AGO3: variants seen among roughly 807,000 people sequenced by gnomAD.
AGO3 encodes the protein protein argonaute-3.
Under a neutral mutation model 105.5 loss-of-function variants are expected in AGO3, and 16 were observed. That is an observed-to-expected ratio of 0.15 (90% CI 0.10 to 0.23). The LOEUF (loss-of-function observed/expected upper bound fraction) is 0.23. Among genes scored for constraint, AGO3 ranks in the 10% least tolerant of loss-of-function variants. AGO3 has a pLI of 1.00. For missense variants in AGO3, 534 were observed against 1,088.0 expected, an observed-to-expected ratio of 0.49 and a Z score of 7.16; for synonymous variants, 340 against 367.3, an observed-to-expected ratio of 0.93 and a Z score of 0.85.
At chr1:35,975,978 C>T (rs969399463) in intron 5 of AGO3, among the ~76,000 whole-genome samples, 3 of 148,094 alleles carry the variant, frequency 2.0e-5, no homozygotes, top group South Asian at 2.1e-4. Context: ...GACAGAGTTT[C>T]GCTCTGGAGT....
chr1:35,979,562 G>C (rs570408338), intron 5 of AGO3, among the ~76,000 whole-genome samples: 309 of 151,780 alleles, frequency 2.0e-3, no homozygotes, highest in Non-Finnish European at 3.2e-3. Flanking sequence ...CCTTAGTTTT[G>C]TTTTTTGTTC....
chr1:35,982,058 A>G (rs570249305), intron 5 of AGO3, among the ~76,000 whole-genome samples: 2 of 152,330 alleles, frequency 1.3e-5, no homozygotes, highest in Admixed American at 6.5e-5. Context: ...TTCTAGGAGA[A>G]AGATGGGAAA....
At chr1:35,951,589 A>G (rs1034844558) in intron 2 of AGO3, among the ~76,000 whole-genome samples, 2 of 151,792 alleles carry the variant, frequency 1.3e-5, no homozygotes, top group Admixed American at 1.3e-4. Flanking sequence ...GAGTTTAGCT[A>G]TGTTGCCCAG....
intron 14 of AGO3, 102 bp from the exon 15 acceptor site, chr1:36,039,688 G>T: frequency 8.2e-6 from 7 of 855,142 alleles, no homozygotes; most frequent in Non-Finnish European, 1.1e-5. Context: ...AAACAGTGAT[G>T]AACAGGTTAC....
At chr1:36,023,767 A>AT in intron 11 of AGO3, among the ~76,000 whole-genome samples, 1 of 152,306 alleles carries the variant, frequency 6.6e-6, no homozygotes, top group South Asian at 2.1e-4. Flanking sequence ...ATGTAACACT[A>AT]CCTACCAGGT....
chr1:35,997,502 C>T (rs1639883782), intron 5 of AGO3, among the ~76,000 whole-genome samples: 1 of 152,134 alleles, frequency 6.6e-6, no homozygotes. Flanking sequence ...CACAAGGGTA[C>T]AGTGTACTGT....
At chr1:35,970,535 C>G (rs955373753) in intron 3 of AGO3, among the ~76,000 whole-genome samples, 1 of 152,136 alleles carries the variant, frequency 6.6e-6, no homozygotes, top group Non-Finnish European at 1.5e-5. Context: ...GTATGCAATT[C>G]TTCTAAATCC....
rs188588949 is a variant in AGO3 at position 36,070,397 on chromosome 1, C to G, written c.*14652C>G. The G allele has an allele frequency of 3.9e-5, 6 of 152,282 alleles. No individual in the cohort carries two copies. The highest frequency in any genetic ancestry group is 7.4e-5 in the Non-Finnish European group (5 of 68,018). 9.4% of individuals were successfully genotyped at this position (152,282 alleles called of 1,614,324 possible). On this transcript the variant is annotated 3_prime_UTR_variant, in exon 19 of 19. Coordinates refer to ENST00000373191, the MANE Select transcript of AGO3 (RefSeq NM_024852.4). ...TGCAGGTCATATCAGGTGTCTGATG[C>G]AGTTACCTTTATAGATCGTGGCAGG...
At chr1:36,004,943 A>G (rs1014133407) in intron 6 of AGO3, among the ~76,000 whole-genome samples, 1 of 152,144 alleles carries the variant, frequency 6.6e-6, no homozygotes, top group African/African-American at 2.4e-5. Context: ...GTTGTTCTAG[A>G]ATTATAGTTA....
At chr1:36,009,338 C>CT in intron 8 of AGO3, 137 bp from the exon 9 acceptor site, 1 of 1,059,670 alleles carries the variant, frequency 9.4e-7, no homozygotes, top group South Asian at 1.9e-5. Flanking sequence ...TTGTTTACTA[C>CT]TTTTTTACTT....
intron 16 of AGO3, chr1:36,043,124 C>T (rs1167416991): frequency 1.4e-5 from 3 of 210,030 alleles, no homozygotes; most frequent in Non-Finnish European, 2.8e-5. Flanking sequence ...CTACTATGCA[C>T]AGGTACCATA....
intron 5 of AGO3, chr1:35,982,592 A>G (rs1557663848): frequency 8.4e-6 from 6 of 717,170 alleles, no homozygotes; most frequent in Non-Finnish European, 1.6e-5. Context: ...TTTAAGAAGG[A>G]TAGTGACATG....
At chr1:36,011,112 G>A (rs1190948109) in intron 9 of AGO3, among the ~76,000 whole-genome samples, 2 of 151,990 alleles carry the variant, frequency 1.3e-5, no homozygotes, top group African/African-American at 4.8e-5. Flanking sequence ...AAGATTAAAG[G>A]GCATCTGAAT....
Position 36,060,510 on chromosome 1 carries a change from AT to A in AGO3, c.*4770del. 6.6e-6 allele frequency: 1 copy of A among 152,328 alleles called. No homozygotes were observed. The highest frequency in any genetic ancestry group is 1.5e-5 in the Non-Finnish European group (1 of 68,022). The allele number at this position is 152,328 out of a possible 1,614,324, so 9.4% of individuals were successfully genotyped here. The stretch of plus-strand genomic sequence containing the variant: ...CTACATGAATTTGCCAAGGGCAGTG[AT>A]TTTTATGAAATTCAAGAAGCAAACG... On this transcript the variant is annotated 3_prime_UTR_variant, in exon 19 of 19. Transcript: ENST00000373191.
chr1:36,022,802 G>A (rs1388424911), intron 11 of AGO3, among the ~76,000 whole-genome samples: 2 of 151,856 alleles, frequency 1.3e-5, no homozygotes, highest in South Asian at 2.1e-4. Flanking sequence ...CCTGGTGGTG[G>A]ACACCTGTAA....
chr1:35,981,813 T>C (rs983487438), intron 5 of AGO3, among the ~76,000 whole-genome samples: 2 of 152,148 alleles, frequency 1.3e-5, no homozygotes, highest in Non-Finnish European at 2.9e-5. Flanking sequence ...ACATTGTAGT[T>C]CCCGCTTGGT....
At chr1:35,973,097 C>T (rs574299767) in intron 4 of AGO3, among the ~76,000 whole-genome samples, 86 of 151,532 alleles carry the variant, frequency 5.7e-4, no homozygotes, top group African/African-American at 2.0e-3. Context: ...TTTTTAAGGT[C>T]GGAACTGTTA....
chr1:36,036,290 T>C, intron 14 of AGO3, 23 bp downstream of exon 14: 1 of 1,605,432 alleles, frequency 6.2e-7, no homozygotes, highest in Non-Finnish European at 8.5e-7. Flanking sequence ...CAGGTTTATC[T>C]TACCTAAGGT....
At chr1:35,978,226 G>C (rs1231042132) in intron 5 of AGO3, among the ~76,000 whole-genome samples, 1 of 152,062 alleles carries the variant, frequency 6.6e-6, no homozygotes, top group Non-Finnish European at 1.5e-5. Context: ...TTTTGCTCTT[G>C]TCACCCAGGC....
Sources: gnomAD v4.1 joint callset for allele counts (sites outside exome capture counted in the v4.1 genomes callset) on GRCh38, gnomAD v4.1.1 for gene constraint, MANE v1.5 for transcripts, NCBI Gene and HGNC (gene_info 2026-07-23, HGNC 2026-07-21) for gene names.